The following KCNA6 variants were observed in gnomAD, a reference collection of about 807,000 sequenced individuals.
The protein encoded by KCNA6 is potassium voltage-gated channel subfamily A member 6.
In KCNA6, 17 loss-of-function variants were observed where a neutral mutation model predicts 29.5. That is an observed-to-expected ratio of 0.58 (90% CI 0.39 to 0.86). KCNA6 has a LOEUF of 0.86. Among genes scored for constraint, KCNA6 ranks in the 40% least tolerant of loss-of-function variants. The pLI, the probability that KCNA6 is intolerant of heterozygous loss-of-function variation, is 0.00. For missense variants in KCNA6, 450 were observed against 703.4 expected (o/e 0.64, Z 4.07); for synonymous variants, 296 against 304.7 (o/e 0.97, Z 0.30).
the KCNA6 span, among the ~76,000 whole-genome samples, chr12:4,832,194 A>G: frequency 6.6e-6 from 1 of 152,006 alleles, no homozygotes; most frequent in African/African-American, 2.4e-5. Context: ...GCCCACGACC[A>G]TCCCTTGTGG....
chr12:4,837,380 G>A, the KCNA6 span, among the ~76,000 whole-genome samples: 3 of 152,276 alleles, frequency 2.0e-5, no homozygotes, highest in Admixed American at 6.5e-5. Flanking sequence ...GCAAACCCAC[G>A]GAGGGGGTCA....
At chr12:4,829,765 A>G in the KCNA6 span, among the ~76,000 whole-genome samples, 6 of 152,150 alleles carry the variant, frequency 3.9e-5, no homozygotes, top group Non-Finnish European at 8.8e-5. Context: ...CCAGCCCAAG[A>G]AGTTCTGCTG....
At chr12:4,847,915 T>G in the KCNA6 span, among the ~76,000 whole-genome samples, 1 of 152,160 alleles carries the variant, frequency 6.6e-6, no homozygotes, top group Non-Finnish European at 1.5e-5. Context: ...CTTGGAATCC[T>G]TTGGTTTTTC....
chr12:4,830,005 C>G, the KCNA6 span, among the ~76,000 whole-genome samples: 13 of 152,292 alleles, frequency 8.5e-5, 1 homozygote, highest in African/African-American at 3.1e-4. Context: ...AAGGGGCAGC[C>G]TCCACTCCCC....
the KCNA6 span, among the ~76,000 whole-genome samples, chr12:4,821,497 G>C: frequency 2.6e-5 from 4 of 151,028 alleles, no homozygotes; most frequent in African/African-American, 9.8e-5. Context: ...CAATCTCCTG[G>C]TTTATGGTTT....
chr12:4,832,365 C>A, the KCNA6 span, among the ~76,000 whole-genome samples: 1 of 152,092 alleles, frequency 6.6e-6, no homozygotes, highest in African/African-American at 2.4e-5. Context: ...AGCGGCAGTG[C>A]GCCCACTGGG....
chr12:4,821,420 G>A, the KCNA6 span, among the ~76,000 whole-genome samples: 1 of 55,572 alleles, frequency 1.8e-5, no homozygotes, highest in African/African-American at 6.0e-5. Flanking sequence ...TCACTTGGAT[G>A]TGTGTGTGTG....
chr12:4,842,643 G>C, the KCNA6 span: 78,847 of 151,900 alleles, frequency 0.52, 21,037 homozygotes, highest in Middle Eastern at 0.57. Flanking sequence ...AAGGGGAAGT[G>C]CTACACACTT....
chr12:4,810,482 C>G lies in KCNA6; in HGVS notation c.441C>G (p.Asp147Glu). ...GCTGCCTGCCCGAAGGTGGCGAGGA[C>G]GAGAAGCCGCTGCCCTCCCAGCCCT... Residue 147 changes from aspartate to glutamate, a missense_variant, in exon 1 of 1, where the codon GAC (aspartate) becomes GAG (glutamate). Asp to Glu is a conservative substitution (Grantham distance 45, BLOSUM62 2). Around this residue, in one of 7 missense-constraint regions of KCNA6, gnomAD observed 133 missense variants for 217.5 expected, o/e 0.61. Transcript: ENST00000280684. The surrounding 1 kb of genome is among the most constrained non-coding windows in gnomAD (Gnocchi z 7.5). 6.2e-7 allele frequency: 1 copy of G among 1,614,114 alleles called. No homozygotes were observed. Among genetic ancestry groups the G allele is most frequent in the Non-Finnish European group, 8.5e-7 (1 of 1,180,026 alleles).
chr12:4,809,731 T>G, exon 1 of KCNA6: 3 of 295,600 alleles, frequency 1.0e-5, no homozygotes, highest in Non-Finnish European at 1.9e-5. Flanking sequence ...CCACGCGTCT[T>G]TTCGGGCAGC....
At chr12:4,837,210 C>T in the KCNA6 span, among the ~76,000 whole-genome samples, 1 of 152,222 alleles carries the variant, frequency 6.6e-6, no homozygotes, top group Non-Finnish European at 1.5e-5. Context: ...TAGCTGAACA[C>T]ATTGAGGTTC....
At chr12:4,813,636 C>T (rs1393338563), downstream of KCNA6, 1 of 167,074 alleles carries the variant, frequency 6.0e-6, no homozygotes, top group African/African-American at 2.4e-5. Context: ...GGGGGCTTGG[C>T]TTCTCCAAAC....
chr12:4,843,492 C>T, the KCNA6 span, among the ~76,000 whole-genome samples: 1 of 152,128 alleles, frequency 6.6e-6, no homozygotes, highest in East Asian at 1.9e-4. Flanking sequence ...AAATTCTTTA[C>T]TTTTTATTAA....
At chr12:4,820,801 C>T in the KCNA6 span, among the ~76,000 whole-genome samples, 3 of 152,102 alleles carry the variant, frequency 2.0e-5, no homozygotes, top group African/African-American at 7.2e-5. Context: ...CTAGTGCAGA[C>T]CAAAGGTATT....
chr12:4,815,810 TC>T (rs1188061976), downstream of KCNA6, among the ~76,000 whole-genome samples: 1 of 152,172 alleles, frequency 6.6e-6, no homozygotes, highest in Non-Finnish European at 1.5e-5. Flanking sequence ...CACCAGGCAG[TC>T]CGCAAGGAGA....
chr12:4,836,431 G>A, the KCNA6 span, among the ~76,000 whole-genome samples: 2 of 152,180 alleles, frequency 1.3e-5, no homozygotes, highest in African/African-American at 2.4e-5. Context: ...GTTTCCCAGG[G>A]GAATTAACAC....
At chr12:4,835,193 G>A in the KCNA6 span, among the ~76,000 whole-genome samples, 154 of 149,126 alleles carry the variant, frequency 1.0e-3, no homozygotes, top group African/African-American at 3.5e-3. Context: ...GGAGTGCAGT[G>A]GCGCGATCTC....
chr12:4,824,832 A>G, the KCNA6 span, among the ~76,000 whole-genome samples: 1 of 152,248 alleles, frequency 6.6e-6, no homozygotes, highest in Non-Finnish European at 1.5e-5. Context: ...CAGAGGATGT[A>G]TTGGCTTTAC....
chr12:4,828,838 A>C, the KCNA6 span, among the ~76,000 whole-genome samples: 1 of 152,168 alleles, frequency 6.6e-6, no homozygotes, highest in African/African-American at 2.4e-5. Context: ...TAAAATGAAG[A>C]ATCCCTGGGG....
Sources: gnomAD v4.1 joint callset for allele counts (sites outside exome capture counted in the v4.1 genomes callset) on GRCh38, gnomAD v4.1.1 for gene constraint, gnomAD v4.1.1 regional missense constraint, Gnocchi (gnomAD v3.1) non-coding constraint, MANE v1.5 for transcripts, NCBI Gene and HGNC (gene_info 2026-07-23, HGNC 2026-07-21) for gene names.